Variants in PLCE1 observed in about 807,000 individuals in gnomAD.
PLCE1 encodes phospholipase C epsilon 1, also known as 1-phosphatidylinositol 4,5-bisphosphate phosphodiesterase epsilon-1.
A neutral mutation model predicts 242.8 loss-of-function variants in PLCE1; 119 were observed. The observed-to-expected ratio is 0.49, with a 90% CI of 0.42 to 0.57. The LOEUF is 0.57. PLCE1 is among the 20% of genes least tolerant of loss of function. The pLI, the probability that PLCE1 is intolerant of heterozygous loss-of-function variation, is 0.00. For missense variants in PLCE1, 2,441 were observed against 2,788.8 expected (o/e 0.88, Z 2.81); for synonymous variants, 945 against 1,017.4 (o/e 0.93, Z 1.35).
chr10:94,024,098 A>G (rs1374568434), intron 1 of PLCE1, among the ~76,000 whole-genome samples: 1 of 152,222 alleles, frequency 6.6e-6, no homozygotes, highest in Admixed American at 6.5e-5. Context: ...GGGTGTATAC[A>G]CACTTAAATC....
intron 1 of PLCE1, among the ~76,000 whole-genome samples, chr10:94,008,975 C>G (rs2061108626): frequency 6.6e-6 from 1 of 152,142 alleles, no homozygotes; most frequent in Non-Finnish European, 1.5e-5. Context: ...CCTTACTGCT[C>G]TGGTCCCATC....
chr10:94,049,816 T>C (rs1039879512), intron 2 of PLCE1, among the ~76,000 whole-genome samples: 1 of 152,196 alleles, frequency 6.6e-6, no homozygotes, highest in African/African-American at 2.4e-5. Context: ...TATTGTCTTC[T>C]AACACCATTC....
At chr10:94,255,914 A>ACACACACTCTCTCTCT (rs1284531207) in intron 11 of PLCE1, among the ~76,000 whole-genome samples, 5 of 67,326 alleles carry the variant, frequency 7.4e-5, no homozygotes, top group Non-Finnish European at 1.4e-4. Context: ...ACACACACAC[A>ACACACACTCTCTCTCT]CTCTCTCTCT....
chr10:94,201,885 G>C (rs933745294), intron 4 of PLCE1, among the ~76,000 whole-genome samples: 1 of 152,176 alleles, frequency 6.6e-6, no homozygotes, highest in African/African-American at 2.4e-5. Context: ...CAGTGAAAAA[G>C]ATGACCATAT....
At chr10:94,250,358 T>C (rs1301385894) in intron 8 of PLCE1, among the ~76,000 whole-genome samples, 2 of 151,876 alleles carry the variant, frequency 1.3e-5, no homozygotes, top group African/African-American at 4.8e-5. Context: ...AAAAATTAGC[T>C]GGGTGTGGTG....
chr10:94,231,853 G>C (rs2050157203), intron 5 of PLCE1, among the ~76,000 whole-genome samples: 1 of 152,144 alleles, frequency 6.6e-6, no homozygotes, highest in South Asian at 2.1e-4. Context: ...CTGACAGCAG[G>C]CAGAGCTCAA....
At chr10:94,186,232 T>C (rs79512537) in intron 4 of PLCE1, among the ~76,000 whole-genome samples, 1,598 of 152,302 alleles carry the variant, frequency 0.01, 24 homozygotes, top group East Asian at 0.078. Flanking sequence ...CTTCTCTCAA[T>C]TGGGTAATTC....
chr10:94,193,860 C>T lies in PLCE1; in HGVS notation c.1809+22364C>T, dbSNP rs538034409. Reference sequence around the variant, plus strand: ...GCTCTACTGTCATATAAACACCAGGCGGGCTTCCCTGCTGGGTGCTCAATA... The same window carrying T: ...GCTCTACTGTCATATAAACACCAGGTGGGCTTCCCTGCTGGGTGCTCAATA... On this transcript the variant is annotated intron_variant, in intron 4 of 32. Transcript: ENST00000371380. Among the ~76,000 whole-genome samples, 8 of 152,224 alleles carry T rather than the reference C, an allele frequency of 5.3e-5. No homozygotes were observed. In the South Asian group the frequency reaches 8.3e-4, roughly 16 times the overall value.
chr10:94,223,742 CTAT>C (rs1352443042), intron 4 of PLCE1, among the ~76,000 whole-genome samples: 3 of 152,168 alleles, frequency 2.0e-5, no homozygotes, highest in Admixed American at 6.5e-5. Flanking sequence ...TCTGTGCTTA[CTAT>C]TGAAATAAGC....
At chr10:94,220,964 G>A (rs2049722511) in intron 4 of PLCE1, among the ~76,000 whole-genome samples, 1 of 152,158 alleles carries the variant, frequency 6.6e-6, no homozygotes, top group Non-Finnish European at 1.5e-5. Flanking sequence ...TGTTCCAAAT[G>A]GGTTACAGTC....
intron 4 of PLCE1, among the ~76,000 whole-genome samples, chr10:94,178,368 C>A (rs2136402572): frequency 1.3e-5 from 2 of 152,276 alleles, no homozygotes; most frequent in South Asian, 4.1e-4. Flanking sequence ...GAGACCCCAG[C>A]AGCTTCTACA....
At chr10:94,258,113 G>A (rs2051165591) in intron 11 of PLCE1, among the ~76,000 whole-genome samples, 1 of 152,070 alleles carries the variant, frequency 6.6e-6, no homozygotes, top group African/African-American at 2.4e-5. Context: ...GTCAAAGCTG[G>A]CTTTTTTCCA....
rs1396137940 is a variant in PLCE1, at chr10:94,315,749, G to A, written c.6133-798G>A. 7.3e-5 allele frequency among the ~76,000 whole-genome samples: 10 copies of A among 136,438 alleles called. No homozygotes were observed. In the South Asian group the frequency reaches 7.7e-4, roughly 10 times the overall value. The allele number at this position is 136,438 out of a possible 152,430, so 89.5% of individuals were successfully genotyped here. A position where few individuals can be genotyped will look rare whatever the true frequency, so the allele number is the denominator to read the frequency against. Reference sequence around the variant, plus strand: ...CACGCCACTGCACTCCAGCCTGGGCGACAGAGGGAGACTCTGTCTCAAAAA... The same window carrying A: ...CACGCCACTGCACTCCAGCCTGGGCAACAGAGGGAGACTCTGTCTCAAAAA... On this transcript the variant is annotated intron_variant, in intron 28 of 32. Transcript: ENST00000371380.
chr10:94,158,981 C>G (rs534707745), intron 3 of PLCE1, among the ~76,000 whole-genome samples: 12 of 151,044 alleles, frequency 7.9e-5, no homozygotes, highest in Non-Finnish European at 4.4e-5. Flanking sequence ...CTCAGCCTCC[C>G]ACAAATTTTC....
At position 94,321,929 on chromosome 10, in the gene PLCE1, A is replaced by G. The variant is rs1589542824; in HGVS notation, c.6371A>G (p.Asp2124Gly). 1.2e-6 allele frequency: 2 copies of G among 1,613,894 alleles called. No homozygotes were observed. The highest frequency in any genetic ancestry group is 2.2e-5 in the East Asian group (1 of 44,876). Residue 2124 changes from aspartate to glycine, a missense_variant, in exon 30 of 33, where the codon GAT becomes GGT. Physicochemically the swap from Asp to Gly is moderately conservative, Grantham distance 94 (BLOSUM62 -1). Transcript: ENST00000371380. ...CTAGAAGAGAAAAACATTGTTCAAG[A>G]TGACAAAGAGGTGATCTTGAGCTCA... is the stretch of plus-strand genomic sequence containing the variant. Reference protein sequence around the residue: ...ENLEEKNIVQDDKEVILSSEE... With the variant: ...ENLEEKNIVQGDKEVILSSEE...
At chr10:94,244,981 G>C (rs1344992749) in intron 7 of PLCE1, among the ~76,000 whole-genome samples, 1 of 152,054 alleles carries the variant, frequency 6.6e-6, no homozygotes, top group Non-Finnish European at 1.5e-5. Context: ...TGAACTAATT[G>C]TATTTTATTT....
chr10:94,283,387 CT>C (rs1302808406), intron 20 of PLCE1: 2 of 249,290 alleles, frequency 8.0e-6, no homozygotes, highest in Non-Finnish European at 7.9e-6. Flanking sequence ...ATGTATGTAC[CT>C]TCTAGAAGTG....
Position 94,246,291 on chromosome 10 carries a change from A to G in PLCE1, c.2766A>G (p.Leu922=), listed in dbSNP as rs1401855057. 6.2e-6 allele frequency: 10 copies of G among 1,614,014 alleles called. No individual in the cohort carries two copies. The East Asian group carries it at 1.6e-4, about 25-fold the overall frequency. Residue 922 remains leucine (L), a synonymous_variant, in exon 8 of 33, where the codon CTA becomes CTG. Coordinates refer to ENST00000371380, the MANE Select transcript of PLCE1 (RefSeq NM_016341.4). ...NNTAEPGKFP[L]LGNAGLSSLT... is the part of the protein sequence containing the mutation. Reference sequence around the variant, plus strand: ...CAGCTGAGCCTGGAAAATTCCCACTACTGGGTAATGCTGGATTAAGTAGCC... The same window carrying G: ...CAGCTGAGCCTGGAAAATTCCCACTGCTGGGTAATGCTGGATTAAGTAGCC...
chr10:94,291,266 G>T (rs1158553899), intron 22 of PLCE1, among the ~76,000 whole-genome samples: 1 of 152,082 alleles, frequency 6.6e-6, no homozygotes, highest in African/African-American at 2.4e-5. Context: ...TGGGACTACT[G>T]GTGTGCACCA....
Sources: gnomAD v4.1 joint callset for allele counts (sites outside exome capture counted in the v4.1 genomes callset) on GRCh38, gnomAD v4.1.1 for gene constraint, MANE v1.5 for transcripts, NCBI Gene and HGNC (gene_info 2026-07-23, HGNC 2026-07-21) for gene names.